The following ROBO1 variants were observed in gnomAD, a reference collection of about 807,000 sequenced individuals.
ROBO1 encodes the protein roundabout homolog 1.
Under a neutral mutation model 195.9 loss-of-function variants are expected in ROBO1, and 149 were observed. The ratio of observed to expected loss-of-function variants is 0.76; its 90% CI spans 0.67 to 0.87. The LOEUF is 0.87. Among genes scored for constraint, ROBO1 ranks in the 40% least tolerant of loss-of-function variants. The probability of loss-of-function intolerance (pLI) is 0.00; values close to 1 mark genes in which losing one functional copy is unlikely to be tolerated. For missense variants in ROBO1, 1,933 were observed against 2,068.3 expected (o/e 0.93, Z 1.27); for synonymous variants, 816 against 733.2 (o/e 1.11, Z -1.82).
At chr3:79,551,451 G>A (rs1219127469) in intron 2 of ROBO1, among the ~76,000 whole-genome samples, 2 of 150,490 alleles carry the variant, frequency 1.3e-5, no homozygotes, top group African/African-American at 2.5e-5. Context: ...AAGTTGTTTT[G>A]GATTCAAATC....
intron 1 of ROBO1, among the ~76,000 whole-genome samples, chr3:79,730,141 T>C (rs1262173306): frequency 2.0e-5 from 3 of 152,178 alleles, no homozygotes; most frequent in African/African-American, 7.2e-5. Flanking sequence ...ACAATCATGG[T>C]TTAGAGAAAT....
At chr3:79,056,026 T>C (rs563884453) in intron 3 of ROBO1, among the ~76,000 whole-genome samples, 2 of 152,248 alleles carry the variant, frequency 1.3e-5, no homozygotes, top group Non-Finnish European at 2.9e-5. Context: ...TTAAGGGCCA[T>C]TAATGCAGTA....
chr3:79,758,864 TA>T (rs1259882046), intron 1 of ROBO1, among the ~76,000 whole-genome samples: 2 of 151,794 alleles, frequency 1.3e-5, no homozygotes, highest in Non-Finnish European at 2.9e-5. Context: ...AAAGAATGAA[TA>T]AAAGCACACA....
At chr3:79,353,769 G>C (rs966065975) in intron 2 of ROBO1, among the ~76,000 whole-genome samples, 1 of 152,186 alleles carries the variant, frequency 6.6e-6, no homozygotes, top group Admixed American at 6.5e-5. Flanking sequence ...TGCAGGCCAG[G>C]CGCAGTGGCT....
intron 2 of ROBO1, among the ~76,000 whole-genome samples, chr3:79,352,955 A>C (rs960381015): frequency 4.6e-5 from 7 of 152,162 alleles, no homozygotes; most frequent in Non-Finnish European, 1.0e-4. Context: ...ACTACTTTTA[A>C]ATTTGTGACT....
At chr3:79,112,467 G>A (rs547649011) in intron 3 of ROBO1, among the ~76,000 whole-genome samples, 19 of 152,266 alleles carry the variant, frequency 1.2e-4, no homozygotes, top group African/African-American at 4.6e-4. Context: ...CGTAGCTAAC[G>A]ATCAGAGACA....
At chr3:78,661,619 A>G (rs1707411572) in intron 15 of ROBO1, among the ~76,000 whole-genome samples, 1 of 152,332 alleles carries the variant, frequency 6.6e-6, no homozygotes, top group Middle Eastern at 3.4e-3. Context: ...TCCCTGGGTC[A>G]AGGGGATGAG....
At chr3:79,725,185 T>G (rs1292190944) in intron 1 of ROBO1, among the ~76,000 whole-genome samples, 5 of 151,916 alleles carry the variant, frequency 3.3e-5, no homozygotes, top group African/African-American at 1.2e-4. Flanking sequence ...TTCCCAATGC[T>G]ATGTAAAAGA....
At chr3:79,403,302 G>T (rs2037431174) in intron 2 of ROBO1, among the ~76,000 whole-genome samples, 1 of 151,962 alleles carries the variant, frequency 6.6e-6, no homozygotes, top group Non-Finnish European at 1.5e-5. Flanking sequence ...ACAGCAAACT[G>T]ACATATAGTG....
At chr3:79,366,578 G>A (rs923253541) in intron 2 of ROBO1, among the ~76,000 whole-genome samples, 6 of 151,952 alleles carry the variant, frequency 3.9e-5, no homozygotes, top group African/African-American at 1.2e-4. Flanking sequence ...CTTACTCATC[G>A]CCTCTCTTTT....
At chr3:79,048,522 C>T (rs1274381208) in intron 3 of ROBO1, among the ~76,000 whole-genome samples, 1 of 152,142 alleles carries the variant, frequency 6.6e-6, no homozygotes, top group Non-Finnish European at 1.5e-5. Flanking sequence ...CAACTGGCAT[C>T]CACGCAGCTG....
At chr3:79,629,644 G>C (rs540017575) in intron 1 of ROBO1, among the ~76,000 whole-genome samples, 1 of 151,644 alleles carries the variant, frequency 6.6e-6, no homozygotes, top group African/African-American at 2.4e-5. Context: ...ACAAAGATCA[G>C]AGCAGAATTA....
intron 4 of ROBO1, among the ~76,000 whole-genome samples, chr3:78,924,612 T>C (rs1242283825): frequency 7.2e-5 from 11 of 151,954 alleles, no homozygotes; most frequent in Admixed American, 5.9e-4. Flanking sequence ...TGTGTGTTTG[T>C]GTATACTTTC....
At chr3:78,971,914 C>T (rs150150154) in intron 3 of ROBO1, among the ~76,000 whole-genome samples, 243 of 152,102 alleles carry the variant, frequency 1.6e-3, no homozygotes, top group Admixed American at 4.1e-3. Context: ...TACAGGCGCC[C>T]GCCACCATGC....
At chr3:79,376,619 C>T (rs1265383168) in intron 2 of ROBO1, among the ~76,000 whole-genome samples, 1 of 152,130 alleles carries the variant, frequency 6.6e-6, no homozygotes. Flanking sequence ...TTCTTGCCTG[C>T]CACCATGTAA....
At chr3:79,423,129 A>T (rs1184533817) in intron 2 of ROBO1, among the ~76,000 whole-genome samples, 1 of 152,270 alleles carries the variant, frequency 6.6e-6, no homozygotes, top group South Asian at 2.1e-4. Context: ...CAGCAACTAT[A>T]AACATAGATT....
At chr3:79,643,450 C>G (rs1179153178) in intron 1 of ROBO1, among the ~76,000 whole-genome samples, 2 of 152,056 alleles carry the variant, frequency 1.3e-5, no homozygotes, top group African/African-American at 2.4e-5. Context: ...TCTAGAAAAC[C>G]CTTACTAATA....
chr3:79,118,372 T>C (rs1251864953), intron 3 of ROBO1, among the ~76,000 whole-genome samples: 1 of 152,062 alleles, frequency 6.6e-6, no homozygotes. Context: ...CAGTCACTAC[T>C]GTAGCTGCTA....
At chr3:79,690,330 T>C (rs1160395246) in intron 1 of ROBO1, among the ~76,000 whole-genome samples, 1 of 151,810 alleles carries the variant, frequency 6.6e-6, no homozygotes, top group Admixed American at 6.6e-5. Flanking sequence ...TGGCTGTGGT[T>C]AGAGAGAGAT....
Sources: allele counts gnomAD v4.1 joint callset (sites outside exome capture counted in the v4.1 genomes callset), GRCh38; gene constraint gnomAD v4.1.1; transcripts MANE v1.5; gene names NCBI Gene and HGNC (gene_info 2026-07-23, HGNC 2026-07-21).